Variants in MYO10 observed in about 807,000 individuals in gnomAD.
MYO10 encodes myosin X, also known as unconventional myosin-X.
MYO10 carries 133 observed loss-of-function variants against 257.3 expected under a neutral mutation model. That is an observed-to-expected ratio of 0.52 (90% CI 0.45 to 0.60). The LOEUF is 0.60. MYO10 is among the 20% of genes least tolerant of loss of function. The probability of loss-of-function intolerance (pLI) is 0.00; values close to 1 mark genes in which losing one functional copy is unlikely to be tolerated. For synonymous variants in MYO10, 1,104 were observed against 1,028.6 expected (o/e 1.07, Z -1.40); for missense variants, 2,399 against 2,635.7 (o/e 0.91, Z 1.97).
intron 14 of MYO10, 69 bp downstream of exon 14, chr5:16,763,412 T>C (rs1740777220): frequency 8.2e-7 from 1 of 1,220,222 alleles, no homozygotes; most frequent in Non-Finnish European, 1.2e-6. Flanking sequence ...CGTTATTTTG[T>C]TCCCATAAAT....
intron 22 of MYO10, 109 bp downstream of exon 22, chr5:16,704,470 G>C: frequency 1.1e-6 from 1 of 905,192 alleles, no homozygotes; most frequent in African/African-American, 1.7e-5. Context: ...GGCCTGACCT[G>C]AGGCTCCCCT....
chr5:16,828,865 C>T (rs773292377), intron 2 of MYO10, among the ~76,000 whole-genome samples: 7 of 152,100 alleles, frequency 4.6e-5, no homozygotes, highest in Non-Finnish European at 1.0e-4. Flanking sequence ...TACAGGTGCA[C>T]ACCACCATGC....
chr5:16,777,075 G>A (rs554977248), intron 9 of MYO10, among the ~76,000 whole-genome samples: 1 of 152,156 alleles, frequency 6.6e-6, no homozygotes, highest in South Asian at 2.1e-4. Context: ...TAAATGAACC[G>A]TGATGGAAGG....
chr5:16,847,592 T>C (rs1317727856), intron 2 of MYO10, among the ~76,000 whole-genome samples: 1 of 152,086 alleles, frequency 6.6e-6, no homozygotes, highest in Non-Finnish European at 1.5e-5. Context: ...TAGCCAGGCA[T>C]GGTGGTGCAC....
chr5:16,770,774 T>C (rs766053296), intron 9 of MYO10, among the ~76,000 whole-genome samples: 4 of 152,232 alleles, frequency 2.6e-5, no homozygotes, highest in Non-Finnish European at 5.9e-5. Flanking sequence ...TCCCTTTTTT[T>C]TGTTTTCTTT....
chr5:16,866,619 C>T (rs79796287), intron 2 of MYO10, among the ~76,000 whole-genome samples: 2,666 of 152,128 alleles, frequency 0.018, 61 homozygotes, highest in African/African-American at 0.054. Flanking sequence ...AAATGACCTC[C>T]TGTTTCTTTC....
intron 2 of MYO10, among the ~76,000 whole-genome samples, chr5:16,874,661 T>C (rs1744548451): frequency 6.6e-6 from 1 of 152,196 alleles, no homozygotes; most frequent in Non-Finnish European, 1.5e-5. Flanking sequence ...TCATCATCCA[T>C]ATTTTTATCA....
intron 1 of MYO10, among the ~76,000 whole-genome samples, chr5:16,878,380 T>G (rs1308170248): frequency 6.6e-6 from 1 of 152,220 alleles, no homozygotes; most frequent in Non-Finnish European, 1.5e-5. Flanking sequence ...AGACACCTAA[T>G]GAACTTCAAA....
chr5:16,795,958 GGT>G (rs1741926177), intron 3 of MYO10, among the ~76,000 whole-genome samples: 1 of 152,012 alleles, frequency 6.6e-6, no homozygotes, highest in Admixed American at 6.6e-5. Flanking sequence ...GGGGGGCCGA[GGT>G]GCGAGGATCT....
At chr5:16,919,693 C>A (rs568505680) in intron 1 of MYO10, among the ~76,000 whole-genome samples, 1 of 152,128 alleles carries the variant, frequency 6.6e-6, no homozygotes, top group Non-Finnish European at 1.5e-5. Context: ...AATAAACACA[C>A]AGGCCGGGCG....
At chr5:16,818,392 G>GTATATATA (rs1561000796) in intron 2 of MYO10, among the ~76,000 whole-genome samples, 6 of 104,944 alleles carry the variant, frequency 5.7e-5, no homozygotes, top group African/African-American at 2.2e-4. Flanking sequence ...GTGTGTGTGT[G>GTATATATA]TGTGTGTGTG....
chr5:16,856,910 C>T (rs2126741606), intron 2 of MYO10, among the ~76,000 whole-genome samples: 1 of 152,296 alleles, frequency 6.6e-6, no homozygotes, highest in East Asian at 1.9e-4. Flanking sequence ...TATTAGAAAT[C>T]TATGGAAACT....
intron 1 of MYO10, among the ~76,000 whole-genome samples, chr5:16,933,231 G>C (rs1253312922): frequency 2.0e-5 from 3 of 152,154 alleles, no homozygotes; most frequent in Admixed American, 6.5e-5. Context: ...GTCACAACTT[G>C]GGGGATAGGG....
At chr5:16,707,573 C>A (rs1018885527) in intron 21 of MYO10, among the ~76,000 whole-genome samples, 2 of 152,162 alleles carry the variant, frequency 1.3e-5, no homozygotes, top group Non-Finnish European at 2.9e-5. Flanking sequence ...TGCTTCATTG[C>A]CACAGAACTG....
chr5:16,764,581 A>G (rs1489115028), intron 11 of MYO10, among the ~76,000 whole-genome samples, 185 bp from the exon 12 acceptor site: 1 of 152,230 alleles, frequency 6.6e-6, no homozygotes, highest in African/African-American at 2.4e-5. Context: ...GAATTCACAT[A>G]TTTCTCTTCT....
At chr5:16,718,325 C>T (rs971735397) in intron 19 of MYO10, among the ~76,000 whole-genome samples, 1 of 152,368 alleles carries the variant, frequency 6.6e-6, no homozygotes, top group Admixed American at 6.5e-5. Flanking sequence ...CACCTAAGGG[C>T]TAAGGAATGC....
chr5:16,804,956 TAC>T (rs1325592019), intron 3 of MYO10, among the ~76,000 whole-genome samples: 4 of 152,138 alleles, frequency 2.6e-5, no homozygotes, highest in Non-Finnish European at 4.4e-5. Context: ...CAAAAATAAT[TAC>T]AGTCAAGGAC....
intron 28 of MYO10, among the ~76,000 whole-genome samples, chr5:16,688,063 A>G (rs1380217441): frequency 1.3e-5 from 2 of 152,244 alleles, no homozygotes; most frequent in African/African-American, 2.4e-5. Flanking sequence ...TAGCAGGTTC[A>G]TCGTGGCATA....
intron 19 of MYO10, among the ~76,000 whole-genome samples, chr5:16,715,111 A>T (rs565188353): frequency 5.7e-4 from 84 of 146,866 alleles, no homozygotes; most frequent in Admixed American, 2.3e-3. Context: ...AATTAAAAAA[A>T]AATTTTTTAA....
Sources: allele counts gnomAD v4.1 joint callset (sites outside exome capture counted in the v4.1 genomes callset), GRCh38; gene constraint gnomAD v4.1.1; transcripts MANE v1.5; gene names NCBI Gene and HGNC (gene_info 2026-07-23, HGNC 2026-07-21).